SPATA13: variants seen among roughly 807,000 people sequenced by gnomAD.
SPATA13 encodes spermatogenesis associated 13, also known as spermatogenesis-associated protein 13.
A neutral mutation model predicts 104.0 loss-of-function variants in SPATA13; 50 were observed. That is an observed-to-expected ratio of 0.48 (90% CI 0.38 to 0.61). SPATA13 has a LOEUF of 0.61. Ranked by LOEUF, SPATA13 falls within the 20% of genes least tolerant of loss-of-function variation. The pLI is 0.00. For synonymous variants in SPATA13, 606 were observed against 667.5 expected (o/e 0.91, Z 1.42); for missense variants, 1,524 against 1,690.6 (o/e 0.90, Z 1.73).
In SPATA13 at chr13:23,984,644, C is replaced by G. The variant is rs2810692; in HGVS notation, c.-147+711C>G. On this transcript the variant is annotated intron_variant, in intron 2 of 14. Coordinates refer to the SPATA13 transcript ENST00000424834. ...AGTATCCCTGCTGAAGAGCAGGGCT[C>G]CAATGCACCTGGTGGAGCTTTTCCA... is the stretch of plus-strand genomic sequence containing the variant. 9.8e-3 allele frequency among the ~76,000 whole-genome samples: 1,487 copies of G among 152,320 alleles called. 24 individuals carry two copies. Among genetic ancestry groups the G allele is most frequent in the African/African-American group, 0.034 (1,413 of 41,568 alleles).
chr13:24,281,346 C>T (rs1392696238), intron 4 of SPATA13, among the ~76,000 whole-genome samples: 2 of 152,206 alleles, frequency 1.3e-5, no homozygotes, highest in African/African-American at 4.8e-5. Context: ...TGGGCCCAGG[C>T]AGGGGAGTGG....
rs148432585 is a variant in SPATA13, at chr13:24,230,518, A to G, written c.1653+5936A>G. ...CAGGCTGGCGGGAAGAGTGTAGAAC[A>G]GGAGGCAGATGCCCACATCTGAGCT... On this transcript the variant is annotated intron_variant, in intron 2 of 12. Coordinates refer to ENST00000382108, the MANE Select transcript of SPATA13 (RefSeq NM_001166271.3). Among the ~76,000 whole-genome samples, 77 of 152,256 alleles carry G rather than the reference A, an allele frequency of 5.1e-4. No homozygotes were observed. The South Asian group carries it at 1.0e-2, about 20-fold the overall frequency.
At chr13:24,268,532 G>C (rs1017152681) in intron 4 of SPATA13, among the ~76,000 whole-genome samples, 10 of 151,994 alleles carry the variant, frequency 6.6e-5, no homozygotes, top group African/African-American at 1.9e-4. Flanking sequence ...GCCGAGGTGG[G>C]CAGACCACCT....
chr13:24,108,664 G>C (rs1013938512), intron 3 of SPATA13, among the ~76,000 whole-genome samples: 6 of 145,562 alleles, frequency 4.1e-5, no homozygotes, highest in South Asian at 2.2e-4. Context: ...CATGGTAGGG[G>C]GGGGGAAGCC....
At chr13:24,018,673 C>G (rs1242046380) in intron 3 of SPATA13, among the ~76,000 whole-genome samples, 1 of 152,198 alleles carries the variant, frequency 6.6e-6, no homozygotes, top group Non-Finnish European at 1.5e-5. Context: ...ACTTATTGAT[C>G]TGCACCATAG....
intron 3 of SPATA13, among the ~76,000 whole-genome samples, chr13:24,079,824 G>C (rs9318303): frequency 0.74 from 112,435 of 151,980 alleles, 42,028 homozygotes; most frequent in Non-Finnish European, 0.8. Flanking sequence ...TCCCCATTTC[G>C]CCTCTCACCT....
chr13:23,982,576 T>C (rs959470761), intron 1 of SPATA13, among the ~76,000 whole-genome samples: 1 of 152,236 alleles, frequency 6.6e-6, no homozygotes, highest in Admixed American at 6.5e-5. Flanking sequence ...GATTTTTTTT[T>C]CATTAAACTC....
intron 3 of SPATA13, among the ~76,000 whole-genome samples, chr13:24,053,557 T>C (rs1878438144): frequency 6.6e-6 from 1 of 152,146 alleles, no homozygotes; most frequent in African/African-American, 2.4e-5. Flanking sequence ...AGCACCCTTA[T>C]AGACTTCCCT....
intron 1 of SPATA13, among the ~76,000 whole-genome samples, chr13:24,164,978 C>T (rs1461698558): frequency 1.3e-5 from 2 of 152,112 alleles, no homozygotes; most frequent in Non-Finnish European, 2.9e-5. Context: ...GTGGCAACAC[C>T]GCAGAATGCA....
chr13:24,170,820 C>T (rs1882938358), intron 1 of SPATA13, among the ~76,000 whole-genome samples: 1 of 152,042 alleles, frequency 6.6e-6, no homozygotes, highest in African/African-American at 2.4e-5. Context: ...CCCTTTTAGT[C>T]ATTGAGAGAC....
intron 1 of SPATA13, among the ~76,000 whole-genome samples, chr13:24,170,437 A>C (rs1330176785): frequency 6.6e-6 from 1 of 152,166 alleles, no homozygotes; most frequent in Non-Finnish European, 1.5e-5. Context: ...GACACTACTC[A>C]TCTCCTTCAG....
intron 3 of SPATA13, among the ~76,000 whole-genome samples, chr13:24,110,825 G>A (rs549721252): frequency 1.4e-4 from 22 of 152,342 alleles, no homozygotes; most frequent in Middle Eastern, 6.8e-3. Context: ...TTGAGATAAG[G>A]AAGTTAAGAA....
At chr13:24,030,946 C>T (rs1877452411) in intron 3 of SPATA13, among the ~76,000 whole-genome samples, 1 of 152,130 alleles carries the variant, frequency 6.6e-6, no homozygotes, top group African/African-American at 2.4e-5. Context: ...TGCTTAAGTC[C>T]ACAAAGTAAC....
intron 3 of SPATA13, among the ~76,000 whole-genome samples, chr13:24,054,981 C>A (rs952242739): frequency 6.6e-6 from 1 of 152,182 alleles, no homozygotes; most frequent in African/African-American, 2.4e-5. Flanking sequence ...TATTATTTTA[C>A]ACTCATAATT....
chr13:24,270,701 C>T lies in SPATA13; in HGVS notation c.2165-13434C>T, dbSNP rs1874532739. The T allele has an allele frequency of 2.7e-6, 4 of 1,490,120 alleles. No individual in the cohort carries two copies. The African/African-American group carries it at 4.2e-5, about 16-fold the overall frequency. 92.3% of individuals were successfully genotyped at this position (1,490,120 alleles called of 1,614,324 possible). A position where few individuals can be genotyped will look rare whatever the true frequency, so the allele number is the denominator to read the frequency against. On this transcript the variant is annotated intron_variant, in intron 4 of 12. Transcript: ENST00000382108. ...AGCCAGCTGTCAGTTTCTGGGCAGG[C>T]TCTGGCCGGGAACGCATACAACGTC...
chr13:24,104,148 C>T (rs1321286595), intron 3 of SPATA13, among the ~76,000 whole-genome samples: 1 of 151,902 alleles, frequency 6.6e-6, no homozygotes, highest in African/African-American at 2.4e-5. Flanking sequence ...GTCTGCTCAC[C>T]ACATGTGTAC....
chr13:24,025,953 T>C (rs1345735559), intron 3 of SPATA13, among the ~76,000 whole-genome samples: 4 of 152,010 alleles, frequency 2.6e-5, no homozygotes, highest in Non-Finnish European at 5.9e-5. Flanking sequence ...TACAGGCATA[T>C]AGCACCACGC....
intron 2 of SPATA13, among the ~76,000 whole-genome samples, chr13:24,014,541 AAAT>A (rs1366825242): frequency 6.6e-6 from 1 of 152,276 alleles, no homozygotes; most frequent in Non-Finnish European, 1.5e-5. Context: ...AAGCTAGAGA[AAAT>A]AATATTTGAA....
intron 3 of SPATA13, among the ~76,000 whole-genome samples, chr13:24,151,959 CTGTGAAGA>C (rs1882110830): frequency 6.6e-6 from 1 of 152,156 alleles, no homozygotes; most frequent in South Asian, 2.1e-4. Flanking sequence ...AGGCATAAAG[CTGTGAAGA>C]TGTGGTTCAG....
Sources: allele counts gnomAD v4.1 joint callset (sites outside exome capture counted in the v4.1 genomes callset), GRCh38; gene constraint gnomAD v4.1.1; transcripts MANE v1.5; gene names NCBI Gene and HGNC (gene_info 2026-07-23, HGNC 2026-07-21).